Variants in TRPV5 observed in about 807,000 individuals in gnomAD.
The protein encoded by TRPV5 is calcium transport protein 2.
TRPV5 carries 66 observed loss-of-function variants against 74.1 expected under a neutral mutation model. The observed-to-expected ratio is 0.89, with a 90% CI of 0.73 to 1.09. TRPV5 has a LOEUF of 1.09. TRPV5 is among the 50% of genes least tolerant of loss of function. The pLI is 0.00. For missense variants in TRPV5, 936 were observed against 930.4 expected (o/e 1.01, Z -0.08); for synonymous variants, 399 against 360.7 (o/e 1.11, Z -1.20).
At chr7:142,931,680 G>A (rs1213242573) in intron 1 of TRPV5, among the ~76,000 whole-genome samples, 1 of 152,018 alleles carries the variant, frequency 6.6e-6, no homozygotes. Flanking sequence ...CCAGGAGCCA[G>A]GGCGAAAAAG....
Position 142,927,824 on chromosome 7 carries a change from G to A in TRPV5, c.909+264C>T, listed in dbSNP as rs2116603795. On this transcript the variant is annotated intron_variant, in intron 7 of 14. Transcript: ENST00000265310. ...TGCTGAACCAATGAATGAATATGAG[G>A]AAACAGCTCTTATTTGGAGTTTCTC... Among the ~76,000 whole-genome samples the A allele has an allele frequency of 1.3e-5, 2 of 152,278 alleles. 1 individual carries two copies. Among genetic ancestry groups the A allele is most frequent in the South Asian group, 4.1e-4 (2 of 4,824 alleles).
At position 142,909,596 on chromosome 7, in the gene TRPV5, C is replaced by G. The variant is rs1445429052; in HGVS notation, c.1789G>C (p.Val597Leu). 3 of 1,613,622 alleles carry G rather than the reference C, an allele frequency of 1.9e-6. No homozygotes were observed. Among genetic ancestry groups the G allele is most frequent in the Non-Finnish European group, 2.5e-6 (3 of 1,179,986 alleles). The change falls in exon 14 of 15, where the codon GTC (valine) becomes CTC (leucine). Residue 597 changes from valine to leucine, a missense_variant and splice_region_variant. Transcript: ENST00000265310. ...QERDELWRAQ[V>L]VATTVMLERK... is the part of the protein sequence containing the mutation. Reference sequence around the variant, plus strand: ...TCCAGCATCACTGTGGTGGCCACGACCTGGAAGGAGGCAGGAGATACAGGA... The same window carrying G: ...TCCAGCATCACTGTGGTGGCCACGAGCTGGAAGGAGGCAGGAGATACAGGA...
chr7:142,913,941 C>T (rs1795748863), intron 12 of TRPV5, among the ~76,000 whole-genome samples: 2 of 152,090 alleles, frequency 1.3e-5, no homozygotes, highest in South Asian at 4.1e-4. Context: ...GCTCCTCCAC[C>T]CACCCTCTCC....
intron 13 of TRPV5, 48 bp from the exon 14 acceptor site, chr7:142,909,644 GT>G: frequency 2.5e-6 from 4 of 1,589,898 alleles, no homozygotes; most frequent in Non-Finnish European, 3.4e-6. Context: ...GAGCCATGAG[GT>G]TCAAAGAGGC....
At chr7:142,912,002 G>A (rs972544213) in intron 13 of TRPV5, among the ~76,000 whole-genome samples, 11 of 152,194 alleles carry the variant, frequency 7.2e-5, no homozygotes, top group Non-Finnish European at 1.5e-4. Flanking sequence ...ATCAGCATTA[G>A]AGAAGATATT....
At chr7:142,924,391 T>TATATAC (rs370191401) in intron 8 of TRPV5, among the ~76,000 whole-genome samples, 3 of 112,318 alleles carry the variant, frequency 2.7e-5, no homozygotes, top group African/African-American at 1.4e-4. Context: ...TATATATATA[T>TATATAC]ACATATACAT....
chr7:142,908,468 C>A lies in TRPV5; in HGVS notation c.*46G>T, dbSNP rs1328201141. On this transcript the variant is annotated 3_prime_UTR_variant, in exon 15 of 15. Coordinates refer to ENST00000265310, the MANE Select transcript of TRPV5 (RefSeq NM_019841.7). Reference sequence around the variant, plus strand: ...GCAGAGGTCTCCGTCTCTGTCCCCGCCCCCAGGCCAACCGGGAGTAAGGTC... The same window carrying A: ...GCAGAGGTCTCCGTCTCTGTCCCCGACCCCAGGCCAACCGGGAGTAAGGTC... 3.1e-6 allele frequency: 5 copies of A among 1,600,040 alleles called. No homozygotes were observed. The highest frequency in any genetic ancestry group is 1.1e-5 in the South Asian group (1 of 89,886).
chr7:142,908,798 G>T lies in TRPV5; in HGVS notation c.1906C>A (p.His636Asn), dbSNP rs1480119769. The change falls in exon 15 of 15, where the codon CAC becomes AAC. Residue 636 changes from histidine to asparagine, a missense_variant. By Grantham distance (68) the His-to-Asn change is moderately conservative. Transcript: ENST00000265310. ...ACTCGCAGAGGATTCTGATCATTGT[G>T]GTTCTCAACCCTGATAAGGGGAAAG... ...GDRWFLRVEN[H>N]NDQNPLRVLR... 5 of 1,610,916 alleles carry T rather than the reference G, an allele frequency of 3.1e-6. 1 individual carries two copies. In the South Asian group the frequency reaches 5.5e-5, roughly 18 times the overall value.
Position 142,909,480 on chromosome 7 carries a change from C to T in TRPV5, c.1895+10G>A, listed in dbSNP as rs1795671094. ...CATCTGCAGTTTTGCATGTGCACAC[C>T]ATCACTCACCGCAGGAACCAGCGGT... On this transcript the variant is annotated intron_variant, in intron 14 of 14. Transcript: ENST00000265310. The T allele has an allele frequency of 3.1e-6, 5 of 1,613,588 alleles. No homozygotes were observed. In the South Asian group the frequency reaches 4.4e-5, roughly 14 times the overall value.
chr7:142,921,412 G>A (rs1231935337), intron 8 of TRPV5, among the ~76,000 whole-genome samples: 1 of 152,142 alleles, frequency 6.6e-6, no homozygotes, highest in Non-Finnish European at 1.5e-5. Flanking sequence ...CTCCCGAATA[G>A]CTGGGATTAC....
At chr7:142,913,794 G>A (rs1795747113) in intron 12 of TRPV5, among the ~76,000 whole-genome samples, 1 of 152,146 alleles carries the variant, frequency 6.6e-6, no homozygotes, top group South Asian at 2.1e-4. Flanking sequence ...TTTTAGAGAT[G>A]GGGGGATCCT....
At chr7:142,928,928 A>C (rs1173806117) in intron 5 of TRPV5, 62 bp from the exon 6 acceptor site, 2 of 1,611,406 alleles carry the variant, frequency 1.2e-6, no homozygotes, top group African/African-American at 2.7e-5. Context: ...CCCCATCCCC[A>C]CTCTGGGGTC....
intron 1 of TRPV5, among the ~76,000 whole-genome samples, chr7:142,931,100 G>A (rs955143197): frequency 1.5e-5 from 2 of 131,220 alleles, no homozygotes; most frequent in African/African-American, 5.7e-5. Context: ...TCAGCTTACC[G>A]CAGCCTCTGC....
chr7:142,925,164 G>C, intron 8 of TRPV5: 1 of 463,944 alleles, frequency 2.2e-6, no homozygotes, highest in Non-Finnish European at 3.8e-6. Context: ...AATGGACTCA[G>C]AAATGGACTT....
At position 142,924,391 on chromosome 7, in the gene TRPV5, T is replaced by C. The variant is rs6953135; in HGVS notation, c.1122+1138A>G. ...ATATATATACATATATATATATATA[T>C]ACATATACATGTATATATATAAAGG... On this transcript the variant is annotated intron_variant, in intron 8 of 14. Transcript: ENST00000265310. Among the ~76,000 whole-genome samples, 106 of 112,246 alleles carry C rather than the reference T, an allele frequency of 9.4e-4. 5 individuals are homozygous for C. The highest frequency in any genetic ancestry group is 3.3e-3 in the African/African-American group (70 of 21,084). 73.6% of individuals were successfully genotyped at this position (112,246 alleles called of 152,430 possible). A position where few individuals can be genotyped will look rare whatever the true frequency, so the allele number is the denominator to read the frequency against.
At chr7:142,913,657 G>T (rs910833520) in intron 12 of TRPV5, among the ~76,000 whole-genome samples, 1 of 152,176 alleles carries the variant, frequency 6.6e-6, no homozygotes, top group Non-Finnish European at 1.5e-5. Flanking sequence ...TCAGATTTTG[G>T]TGGGGGTTTT....
At chr7:142,918,102 C>G (rs369838379) in intron 8 of TRPV5, among the ~76,000 whole-genome samples, 4 of 152,196 alleles carry the variant, frequency 2.6e-5, no homozygotes, top group Non-Finnish European at 5.9e-5. Flanking sequence ...AATTGAAGTG[C>G]TAATAGGCTT....
intron 13 of TRPV5, 129 bp downstream of exon 13, chr7:142,912,353 C>T: frequency 8.0e-7 from 1 of 1,256,878 alleles, no homozygotes; most frequent in Non-Finnish European, 1.1e-6. Flanking sequence ...TTACACAAAC[C>T]TCTTCTGAGG....
At chr7:142,920,864 G>C in intron 8 of TRPV5, among the ~76,000 whole-genome samples, 1 of 152,174 alleles carries the variant, frequency 6.6e-6, no homozygotes, top group South Asian at 2.1e-4. Context: ...GTCCCACCCA[G>C]CCTTACTGTC....
Sources: allele counts gnomAD v4.1 joint callset (sites outside exome capture counted in the v4.1 genomes callset), GRCh38; gene constraint gnomAD v4.1.1; transcripts MANE v1.5; gene names NCBI Gene and HGNC (gene_info 2026-07-23, HGNC 2026-07-21).